PCDHA1: variants seen among roughly 807,000 people sequenced by gnomAD.
The protein encoded by PCDHA1 is protocadherin alpha 1.
A neutral mutation model predicts 61.3 loss-of-function variants in PCDHA1; 42 were observed. The observed-to-expected ratio is 0.69, with a 90% CI of 0.54 to 0.89. The LOEUF is 0.89. PCDHA1 is among the 40% of genes least tolerant of loss of function. PCDHA1 has a pLI of 0.00. For synonymous variants in PCDHA1, 610 were observed against 553.8 expected, an observed-to-expected ratio of 1.10 and a Z score of -1.43; for missense variants, 1,256 against 1,235.3, an observed-to-expected ratio of 1.02 and a Z score of -0.25.
At position 140,931,063 on chromosome 5, in the gene PCDHA1, A is replaced by C. The variant is rs1584700470; in HGVS notation, c.2395-47886A>C. Among the ~76,000 whole-genome samples, 4 of 152,202 alleles carry C rather than the reference A, an allele frequency of 2.6e-5. No individual in the cohort carries two copies. In the South Asian group the frequency reaches 8.3e-4, roughly 31 times the overall value. On this transcript the variant is annotated intron_variant, in intron 1 of 3. Coordinates refer to ENST00000504120, the MANE Select transcript of PCDHA1 (RefSeq NM_018900.4). ...GAAAAACTTCAATGCTGTGTCTGGGACTAAGTATGAGTCCAGTTCTACAGA... is the reference window on the plus strand; with the variant it reads ...GAAAAACTTCAATGCTGTGTCTGGGCCTAAGTATGAGTCCAGTTCTACAGA...
intron 1 of PCDHA1, chr5:140,862,685 C>A (rs782248340): frequency 7.2e-6 from 4 of 552,774 alleles, no homozygotes; most frequent in Non-Finnish European, 1.4e-5. Context: ...GTGCTGGTGT[C>A]CTACTCGTTG....
At chr5:140,792,165 G>T (rs1761697139) in intron 1 of PCDHA1, among the ~76,000 whole-genome samples, 1 of 152,112 alleles carries the variant, frequency 6.6e-6, no homozygotes, top group Non-Finnish European at 1.5e-5. Context: ...TCCAGCTTCT[G>T]GTAGCTCTTG....
In PCDHA1 at chr5:140,848,538, C is replaced by T. The variant is rs1354116035; in HGVS notation, c.2394+59854C>T. 7 of 1,595,202 alleles carry T rather than the reference C, an allele frequency of 4.4e-6. No individual in the cohort carries two copies. The Admixed American group carries it at 1.0e-4, about 23-fold the overall frequency. ...AGGAGATCCAGAGGGTCAGCCTCTA[C>T]TGCTCTCGCTTCTGATCCTCGCAAT... is the stretch of plus-strand genomic sequence containing the variant. On this transcript the variant is annotated intron_variant, in intron 1 of 3. Transcript: ENST00000504120.
intron 1 of PCDHA1, among the ~76,000 whole-genome samples, chr5:140,899,245 G>A (rs2067216472): frequency 6.6e-6 from 1 of 152,128 alleles, no homozygotes; most frequent in Non-Finnish European, 1.5e-5. Context: ...GGAGTGGTGA[G>A]AGAGGGCATC....
chr5:140,875,248 G>A, intron 1 of PCDHA1: 5 of 999,174 alleles, frequency 5.0e-6, no homozygotes, highest in Non-Finnish European at 6.9e-6. Flanking sequence ...TACATAATCA[G>A]TCACATGATG....
intron 3 of PCDHA1, among the ~76,000 whole-genome samples, chr5:141,000,386 T>A (rs1394092081): frequency 5.6e-4 from 37 of 66,542 alleles, no homozygotes; most frequent in African/African-American, 2.4e-3. Flanking sequence ...TCTCTCTCTC[T>A]CTCTCTCTCT....
At position 140,926,602 on chromosome 5, in the gene PCDHA1, C is replaced by T. The variant is rs1326525373; in HGVS notation, c.2395-52347C>T. 9 of 324,032 alleles carry T rather than the reference C, an allele frequency of 2.8e-5. No homozygotes were observed. The East Asian group carries it at 4.7e-4, about 17-fold the overall frequency. The allele number at this position is 324,032 out of a possible 1,614,324, so 20.1% of individuals were successfully genotyped here. On this transcript the variant is annotated intron_variant, in intron 1 of 3. Coordinates refer to ENST00000504120, the MANE Select transcript of PCDHA1 (RefSeq NM_018900.4). ...CCTCTCGCGCCCGGGCGGGCGGCCT[C>T]GTCTCTGCACCCCTAGGCGGCGCTG...
chr5:140,866,148 A>G (rs1031440226), intron 1 of PCDHA1: 4 of 152,180 alleles, frequency 2.6e-5, no homozygotes, highest in South Asian at 4.1e-4. Flanking sequence ...TGGAAGTGAT[A>G]TAAGTAAGAA....
chr5:140,808,382 T>C (rs782708840), intron 1 of PCDHA1: 2 of 1,614,186 alleles, frequency 1.2e-6, no homozygotes, highest in Non-Finnish European at 1.7e-6. Context: ...CAAGCTGGTG[T>C]CCACCTTCAA....
chr5:140,856,808 C>T, intron 1 of PCDHA1: 1 of 1,594,492 alleles, frequency 6.3e-7, no homozygotes, highest in Non-Finnish European at 8.6e-7. Context: ...GTATGAAAAT[C>T]AAGTGAACCA....
chr5:140,807,986 T>C, intron 1 of PCDHA1: 1 of 1,613,662 alleles, frequency 6.2e-7, no homozygotes, highest in Non-Finnish European at 8.5e-7. Flanking sequence ...ACTTAACGCC[T>C]CAGATTTAGA....
At chr5:140,949,371 C>G (rs932971788) in intron 1 of PCDHA1, among the ~76,000 whole-genome samples, 1 of 151,712 alleles carries the variant, frequency 6.6e-6, no homozygotes, top group African/African-American at 2.4e-5. Flanking sequence ...GTCTAGTTGT[C>G]CTATCAATTG....
intron 1 of PCDHA1, chr5:140,967,309 A>G (rs782218334): frequency 6.2e-7 from 1 of 1,611,224 alleles, no homozygotes; most frequent in East Asian, 2.2e-5. Context: ...GCGCCAACTC[A>G]GTACAGACCT....
chr5:140,955,324 T>G (rs1358791050), intron 1 of PCDHA1, among the ~76,000 whole-genome samples: 8 of 152,186 alleles, frequency 5.3e-5, no homozygotes, highest in Non-Finnish European at 8.8e-5. Flanking sequence ...CCTTGAATTG[T>G]AGTTCCCATA....
chr5:140,906,137 G>C (rs1462672499), intron 1 of PCDHA1, among the ~76,000 whole-genome samples: 1 of 152,008 alleles, frequency 6.6e-6, no homozygotes, highest in East Asian at 1.9e-4. Context: ...AGTCTCCTTT[G>C]ATAACACCCT....
At chr5:140,998,056 C>T (rs1162882949) in intron 3 of PCDHA1, among the ~76,000 whole-genome samples, 1 of 152,160 alleles carries the variant, frequency 6.6e-6, no homozygotes, top group Non-Finnish European at 1.5e-5. Context: ...GTGACATCAT[C>T]ATCAACAGAC....
intron 1 of PCDHA1, among the ~76,000 whole-genome samples, chr5:140,793,215 A>G (rs1228201203): frequency 6.6e-6 from 1 of 152,226 alleles, no homozygotes; most frequent in Non-Finnish European, 1.5e-5. Context: ...CTATCTGAGA[A>G]GAAGTTCAGC....
chr5:140,985,946 A>G (rs1265124776), intron 3 of PCDHA1, among the ~76,000 whole-genome samples: 1 of 151,962 alleles, frequency 6.6e-6, no homozygotes, highest in Non-Finnish European at 1.5e-5. Flanking sequence ...TCACTGTGTT[A>G]GCCAGGATGG....
At chr5:140,980,113 C>T (rs2096877031) in intron 2 of PCDHA1, among the ~76,000 whole-genome samples, 1 of 152,096 alleles carries the variant, frequency 6.6e-6, no homozygotes, top group African/African-American at 2.4e-5. Context: ...ACATTGGAAC[C>T]TGGGTCATAA....
Sources: allele counts gnomAD v4.1 joint callset (sites outside exome capture counted in the v4.1 genomes callset), GRCh38; gene constraint gnomAD v4.1.1; transcripts MANE v1.5; gene names NCBI Gene and HGNC (gene_info 2026-07-23, HGNC 2026-07-21).